KDM5A: variants seen among roughly 807,000 people sequenced by gnomAD.
The protein encoded by KDM5A is lysine-specific demethylase 5A.
In KDM5A, 42 loss-of-function variants were observed where a neutral mutation model predicts 193.5. The observed-to-expected ratio is 0.22, with a 90% CI of 0.17 to 0.28. The LOEUF is 0.28. Ranked by LOEUF, KDM5A falls within the 10% of genes least tolerant of loss-of-function variation. The pLI is 1.00. For missense variants in KDM5A, 1,692 were observed against 2,055.1 expected, an observed-to-expected ratio of 0.82 and a Z score of 3.42; for synonymous variants, 796 against 718.1, an observed-to-expected ratio of 1.11 and a Z score of -1.73.
At chr12:383,244 A>C (rs1260111990) in intron 3 of KDM5A, among the ~76,000 whole-genome samples, 3 of 151,558 alleles carry the variant, frequency 2.0e-5, no homozygotes, top group Non-Finnish European at 4.4e-5. Context: ...GACAGGGTCT[A>C]ACTCCTGTGG....
At chr12:308,079 T>C in intron 22 of KDM5A, 74 bp from the exon 23 acceptor site, 3 of 1,492,832 alleles carry the variant, frequency 2.0e-6, no homozygotes, top group Admixed American at 1.7e-5. Context: ...CTCAAGGCTG[T>C]GGGATCTTTC....
intron 3 of KDM5A, among the ~76,000 whole-genome samples, chr12:382,880 CAA>C (rs1488864223): frequency 1.3e-5 from 2 of 151,840 alleles, no homozygotes; most frequent in African/African-American, 4.8e-5. Flanking sequence ...TGCAGTGAGC[CAA>C]GATCAGGCCA....
At chr12:341,469 T>C (rs563021080) in intron 10 of KDM5A, among the ~76,000 whole-genome samples, 21 of 149,360 alleles carry the variant, frequency 1.4e-4, no homozygotes, top group African/African-American at 4.5e-4. Flanking sequence ...TGGTCTACCA[T>C]GACAAGAGGG....
At chr12:304,981 A>G (rs1472888430) in intron 24 of KDM5A, among the ~76,000 whole-genome samples, 1 of 152,178 alleles carries the variant, frequency 6.6e-6, no homozygotes, top group Admixed American at 6.5e-5. Flanking sequence ...TAGTCACCCT[A>G]TATACAACTT....
rs775376990 is a variant in KDM5A, at chr12:292,887, T to C, written c.4738A>G (p.Thr1580Ala). Residue 1580 changes from threonine (T) to alanine (A), a missense_variant, in exon 27 of 28, where the codon ACT (threonine) becomes GCT (alanine). By Grantham distance (58) the Thr-to-Ala change is moderately conservative (BLOSUM62 0). Around this residue, in one of 11 missense-constraint regions of KDM5A, gnomAD observed 965 missense variants for 1,061.0 expected, o/e 0.91. Coordinates refer to ENST00000399788, the MANE Select transcript of KDM5A (RefSeq NM_001042603.3). ...ACCTTTTTCTCTCTTTTCTTTTCAG[T>C]GCTCTCTTTCACAAGTTCAACTTTG... is the stretch of plus-strand genomic sequence containing the variant. ...AAKVELVKESTEKKREKKVLD... is the reference protein window; with the variant it reads ...AAKVELVKESAEKKREKKVLD... 2.5e-6 allele frequency: 4 copies of C among 1,614,206 alleles called. No individual in the cohort carries two copies. The highest frequency in any genetic ancestry group is 1.7e-6 in the Non-Finnish European group (2 of 1,180,028).
rs1555132314 is a variant in KDM5A at position 330,085 on chromosome 12, G to GTATATATA, written c.1774-1064_1774-1057dup. 2.1e-4 allele frequency among the ~76,000 whole-genome samples: 29 copies of GTATATATA among 139,376 alleles called. 1 individual carries two copies. Among genetic ancestry groups the GTATATATA allele is most frequent in the African/African-American group, 6.4e-4 (24 of 37,270 alleles). The allele number at this position is 139,376 out of a possible 152,430, so 91.4% of individuals were successfully genotyped here. ...TGTGTGTGTGTGTGTGTGTGTGTGT[G>GTATATATA]TATATATATATATCTTATGATTAGC... On this transcript the variant is annotated intron_variant, in intron 13 of 27. Coordinates refer to ENST00000399788, the MANE Select transcript of KDM5A (RefSeq NM_001042603.3).
chr12:305,776 C>G (rs941703118), intron 24 of KDM5A, among the ~76,000 whole-genome samples: 4 of 152,106 alleles, frequency 2.6e-5, no homozygotes, highest in Admixed American at 2.6e-4. Flanking sequence ...TTGTCAAAAC[C>G]TTCTCTTCAC....
chr12:370,576 G>A (rs759329642), intron 3 of KDM5A, among the ~76,000 whole-genome samples: 1 of 151,010 alleles, frequency 6.6e-6, no homozygotes, highest in South Asian at 2.1e-4. Context: ...CCAAAAAGTA[G>A]TATCGCTCAA....
Position 304,082 on chromosome 12 carries a change from T to C in KDM5A, c.4074+2864A>G, listed in dbSNP as rs541289058. Among the ~76,000 whole-genome samples, 18 of 152,328 alleles carry C rather than the reference T, an allele frequency of 1.2e-4. No individual in the cohort carries two copies. In the South Asian group the frequency reaches 3.7e-3, roughly 32 times the overall value. On this transcript the variant is annotated intron_variant, in intron 24 of 27. Coordinates refer to ENST00000399788, the MANE Select transcript of KDM5A (RefSeq NM_001042603.3). ...GTTAAGTGAGCTCTGATTAGGTCTA[T>C]GATTCTCCTTGAAATTAGTTTCCAC... is the stretch of plus-strand genomic sequence containing the variant.
chr12:366,125 G>C (rs538282583), intron 3 of KDM5A, 21 bp from the exon 4 acceptor site: 1 of 1,612,158 alleles, frequency 6.2e-7, no homozygotes, highest in Non-Finnish European at 8.5e-7. Context: ...AGTAAAAGTT[G>C]CTTAGAGAAA....
intron 3 of KDM5A, among the ~76,000 whole-genome samples, 155 bp from the exon 4 acceptor site, chr12:366,259 G>T (rs1944355987): frequency 6.6e-6 from 1 of 152,128 alleles, no homozygotes; most frequent in Admixed American, 6.5e-5. Context: ...TCAACATTTA[G>T]AGTAAGAAAT....
chr12:367,866 C>CAAA (rs761564622), intron 3 of KDM5A, among the ~76,000 whole-genome samples: 1 of 131,264 alleles, frequency 7.6e-6, no homozygotes, highest in Admixed American at 7.7e-5. Context: ...GACCCTGTCT[C>CAAA]AAAAAAAAAA....
At chr12:363,570 C>G (rs929118837) in intron 4 of KDM5A, among the ~76,000 whole-genome samples, 6 of 152,022 alleles carry the variant, frequency 3.9e-5, no homozygotes, top group African/African-American at 1.2e-4. Flanking sequence ...TCATATACCC[C>G]CTTCCCCACC....
chr12:296,985 C>G (rs527281571), intron 25 of KDM5A, 56 bp downstream of exon 25: 1 of 1,557,806 alleles, frequency 6.4e-7, no homozygotes, highest in Non-Finnish European at 8.8e-7. Flanking sequence ...TAACATAATG[C>G]TTTTTCTCAT....
At chr12:305,524 A>G (rs1425631052) in intron 24 of KDM5A, among the ~76,000 whole-genome samples, 1 of 152,210 alleles carries the variant, frequency 6.6e-6, no homozygotes, top group Non-Finnish European at 1.5e-5. Flanking sequence ...GTGAAGGGGT[A>G]GGAACAGAAT....
intron 12 of KDM5A, chr12:333,134 A>G (rs961720058): frequency 5.3e-5 from 15 of 281,206 alleles, no homozygotes; most frequent in Non-Finnish European, 7.6e-5. Flanking sequence ...AATTAAAAAT[A>G]CTGGCTGGGT....
intron 2 of KDM5A, among the ~76,000 whole-genome samples, chr12:385,051 A>T (rs1288697156): frequency 2.0e-5 from 3 of 151,984 alleles, no homozygotes; most frequent in Non-Finnish European, 4.4e-5. Context: ...TTAGCTGGGC[A>T]TGGTCGCTGT....
chr12:388,743 CT>C (rs2137507014), intron 1 of KDM5A, among the ~76,000 whole-genome samples, 183 bp downstream of exon 1: 1 of 152,244 alleles, frequency 6.6e-6, no homozygotes, highest in Non-Finnish European at 1.5e-5. Flanking sequence ...CACTTTCTCG[CT>C]TTCAGACGTG....
At chr12:306,633 C>T (rs147377993) in intron 24 of KDM5A, among the ~76,000 whole-genome samples, 2,505 of 151,696 alleles carry the variant, frequency 0.017, 35 homozygotes, top group Non-Finnish European at 0.027. Context: ...ATTCCAGCAA[C>T]TTGGGAGGCT....
Sources: allele counts gnomAD v4.1 joint callset (sites outside exome capture counted in the v4.1 genomes callset), GRCh38; gene constraint gnomAD v4.1.1; regional missense constraint gnomAD v4.1.1; transcripts MANE v1.5; gene names NCBI Gene and HGNC (gene_info 2026-07-23, HGNC 2026-07-21).